The following COQ5 variants were observed in gnomAD, a reference collection of about 807,000 sequenced individuals.
COQ5 encodes the protein 2-methoxy-6-polyprenyl-1,4-benzoquinol methylase, mitochondrial.
COQ5 carries 27 observed loss-of-function variants against 40.5 expected under a neutral mutation model. The ratio of observed to expected loss-of-function variants is 0.67; its 90% CI spans 0.49 to 0.92. The LOEUF (loss-of-function observed/expected upper bound fraction) is 0.92, where lower values mean the gene tolerates loss of function less well. Ranked by LOEUF, COQ5 falls within the 40% of genes least tolerant of loss-of-function variation. The pLI, the probability that COQ5 is intolerant of heterozygous loss-of-function variation, is 0.00. For synonymous variants in COQ5, 141 were observed against 150.0 expected, an observed-to-expected ratio of 0.94 and a Z score of 0.44; for missense variants, 409 against 406.4, an observed-to-expected ratio of 1.01 and a Z score of -0.06.
In COQ5 at chr12:120,526,656, A is replaced by G. The variant is rs1307991105; in HGVS notation, c.202+2284T>C. 6 of 271,448 alleles carry G rather than the reference A, an allele frequency of 2.2e-5. No homozygotes were observed. In the East Asian group the frequency reaches 6.2e-4, roughly 28 times the overall value. 16.8% of individuals were successfully genotyped at this position (271,448 alleles called of 1,614,324 possible). A position where few individuals can be genotyped will look rare whatever the true frequency, so the allele number is the denominator to read the frequency against. Reference sequence around the variant, plus strand: ...CCAAGGCATAGAAAAGATATTTCATACGACAAGAAGGTGGCAAATAGTGCT... The same window carrying G: ...CCAAGGCATAGAAAAGATATTTCATGCGACAAGAAGGTGGCAAATAGTGCT... On this transcript the variant is annotated intron_variant, in intron 1 of 6. Transcript: ENST00000288532.
Position 120,522,337 on chromosome 12 carries a change from T to C in COQ5, c.229A>G (p.Lys77Glu). 6.2e-7 allele frequency: 1 copy of C among 1,613,828 alleles called. No homozygotes were observed. The highest frequency in any genetic ancestry group is 1.6e-4 in the Middle Eastern group (1 of 6,062). ...KVYQVFESVAKKYDVMNDMMS... is the reference protein window; with the variant it reads ...KVYQVFESVAEKYDVMNDMMS... ...ATATCATTCATCACATCATACTTCT[T>C]AGCCACACTTTCAAACACCTGATAG... The change falls in exon 2 of 7, where the codon AAG becomes GAG. Residue 77 changes from lysine (K) to glutamate (E), a missense_variant. Coordinates refer to ENST00000288532, the MANE Select transcript of COQ5 (RefSeq NM_032314.4).
chr12:120,503,522 C>A lies in COQ5; in HGVS notation c.*262G>T, dbSNP rs1163482319. ...GGGTGGTTGTACCTTAACCACACAC[C>A]CTACAGCCAAGAGAAATTAGCAGTT... On this transcript the variant is annotated 3_prime_UTR_variant, in exon 7 of 7. Transcript: ENST00000288532. 2 of 596,026 alleles carry A rather than the reference C, an allele frequency of 3.4e-6. No individual in the cohort carries two copies. The highest frequency in any genetic ancestry group is 6.3e-6 in the Non-Finnish European group (2 of 317,580). The allele number at this position is 596,026 out of a possible 1,614,324, so 36.9% of individuals were successfully genotyped here.
Position 120,504,926 on chromosome 12 carries a change from A to T in COQ5, c.739T>A (p.Phe247Ile). 6.2e-7 allele frequency: 1 copy of T among 1,614,186 alleles called. No homozygotes were observed. The highest frequency in any genetic ancestry group is 8.5e-7 in the Non-Finnish European group (1 of 1,180,030). The change falls in exon 5 of 7, where the codon TTT becomes ATT. Residue 247 changes from phenylalanine (F) to isoleucine (I), a missense_variant. Coordinates refer to ENST00000288532, the MANE Select transcript of COQ5 (RefSeq NM_032314.4). The stretch of plus-strand genomic sequence containing the variant: ...ATGAGGGGATTGTTCACTTGGCTAA[A>T]TTCCAGACAGAGAAACCGTCCTCCT... Reference protein sequence around the residue: ...KPGGRFLCLEFSQVNNPLISR... With the variant: ...KPGGRFLCLEISQVNNPLISR...
intron 3 of COQ5, among the ~76,000 whole-genome samples, chr12:120,514,988 C>T (rs2137084624): frequency 6.6e-6 from 1 of 152,162 alleles, no homozygotes; most frequent in East Asian, 2.0e-4. Context: ...GACAGGGTTT[C>T]TCCATATTGG....
At chr12:120,517,178 C>A (rs1869416335) in intron 2 of COQ5, among the ~76,000 whole-genome samples, 1 of 152,026 alleles carries the variant, frequency 6.6e-6, no homozygotes. Context: ...GAAACCCCGT[C>A]TCTACATTTT....
At chr12:120,515,075 G>A (rs1485657244) in intron 3 of COQ5, among the ~76,000 whole-genome samples, 2 of 151,758 alleles carry the variant, frequency 1.3e-5, no homozygotes, top group African/African-American at 2.4e-5. Context: ...TTACAGGCGT[G>A]AGCCACCACG....
intron 1 of COQ5, 111 bp from the exon 2 acceptor site, chr12:120,522,474 G>T (rs1325712475): frequency 2.0e-6 from 2 of 986,468 alleles, no homozygotes; most frequent in African/African-American, 1.6e-5. Flanking sequence ...GCTTTGCAAG[G>T]TGAAACTAAG....
intron 4 of COQ5, among the ~76,000 whole-genome samples, chr12:120,509,551 C>T (rs987019668): frequency 1.3e-5 from 2 of 152,106 alleles, no homozygotes; most frequent in Non-Finnish European, 2.9e-5. Context: ...TGAGGAAATA[C>T]ACAAAAGGCC....
At chr12:120,517,495 C>T (rs1593020514) in intron 2 of COQ5, among the ~76,000 whole-genome samples, 1 of 149,480 alleles carries the variant, frequency 6.7e-6, no homozygotes, top group Admixed American at 6.8e-5. Flanking sequence ...ATGATGAAAC[C>T]CCGTCTCTAC....
intron 3 of COQ5, among the ~76,000 whole-genome samples, chr12:120,511,256 C>CAAAAA (rs33968461): frequency 1.1e-5 from 1 of 93,120 alleles, no homozygotes. Flanking sequence ...GACTCTGTCT[C>CAAAAA]AAAAAAAAAA....
chr12:120,512,382 C>G (rs1307824255), intron 3 of COQ5, among the ~76,000 whole-genome samples: 2 of 152,086 alleles, frequency 1.3e-5, no homozygotes, highest in Non-Finnish European at 1.5e-5. Flanking sequence ...GCAGGTGGAT[C>G]ACGAGGTCAA....
At chr12:120,509,809 G>A in intron 4 of COQ5, 1 of 576,420 alleles carries the variant, frequency 1.7e-6, no homozygotes, top group Non-Finnish European at 3.1e-6. Context: ...GTGTGGTGGT[G>A]GGTTCCTGTA....
At chr12:120,511,657 C>A (rs1593016727) in intron 3 of COQ5, among the ~76,000 whole-genome samples, 1 of 152,102 alleles carries the variant, frequency 6.6e-6, no homozygotes, top group African/African-American at 2.4e-5. Context: ...GTTGCTTGCC[C>A]AAGGTCACAC....
At chr12:120,508,870 C>G (rs1410042026) in intron 4 of COQ5, among the ~76,000 whole-genome samples, 1 of 151,698 alleles carries the variant, frequency 6.6e-6, no homozygotes, top group African/African-American at 2.4e-5. Flanking sequence ...CTGATAAATA[C>G]AAAAATTAGC....
chr12:120,515,985 G>A (rs719449), intron 3 of COQ5, among the ~76,000 whole-genome samples: 32,562 of 152,132 alleles, frequency 0.21, 5,537 homozygotes, highest in African/African-American at 0.48. Flanking sequence ...GTGCAGAGGT[G>A]CAATCATAGC....
At chr12:120,508,544 G>GA (rs559785155) in intron 4 of COQ5, among the ~76,000 whole-genome samples, 2 of 151,592 alleles carry the variant, frequency 1.3e-5, no homozygotes, top group African/African-American at 4.8e-5. Flanking sequence ...CAAAACATAG[G>GA]AAAAAAAAGA....
chr12:120,522,461 C>T, intron 1 of COQ5, 98 bp from the exon 2 acceptor site: 2 of 1,215,170 alleles, frequency 1.6e-6, no homozygotes, highest in Non-Finnish European at 2.4e-6. Context: ...CTGAAATGAC[C>T]TGGCTTTGCA....
chr12:120,523,200 G>C (rs550506909), intron 1 of COQ5, among the ~76,000 whole-genome samples: 1 of 152,238 alleles, frequency 6.6e-6, no homozygotes, highest in Admixed American at 6.5e-5. Flanking sequence ...TAGCCGGCAT[G>C]GTGGTGGGCG....
intron 1 of COQ5, among the ~76,000 whole-genome samples, chr12:120,526,698 A>ATTTTTTT (rs61584250): frequency 0.035 from 2,230 of 64,106 alleles, 504 homozygotes; most frequent in Non-Finnish European, 0.045. Flanking sequence ...ACTCTTGGCA[A>ATTTTTTT]TTTTTTTTTT....
Sources: allele counts gnomAD v4.1 joint callset (sites outside exome capture counted in the v4.1 genomes callset), GRCh38; gene constraint gnomAD v4.1.1; transcripts MANE v1.5; gene names NCBI Gene and HGNC (gene_info 2026-07-23, HGNC 2026-07-21).